Variants in ZDHHC20 observed in about 807,000 individuals in gnomAD.
ZDHHC20 encodes the protein zDHHC palmitoyltransferase 20, also known as palmitoyltransferase ZDHHC20.
In ZDHHC20, 43 loss-of-function variants were observed where a neutral mutation model predicts 57.8. The observed-to-expected ratio is 0.74, with a 90% CI of 0.58 to 0.96. ZDHHC20 has a LOEUF of 0.96. ZDHHC20 is among the 40% of genes least tolerant of loss of function. The pLI, the probability that ZDHHC20 is intolerant of heterozygous loss-of-function variation, is 0.00. For missense variants in ZDHHC20, 391 were observed against 441.1 expected (o/e 0.89, Z 1.02); for synonymous variants, 157 against 153.0 (o/e 1.03, Z -0.19).
In ZDHHC20 at chr13:21,443,716, G is replaced by A. The variant is rs115577226; in HGVS notation, c.118+15338C>T. ...TAGACAGACCACTTAATTACTTAGC[G>A]CATTAAATGCATGAATAGTAAGGAT... On this transcript the variant is annotated intron_variant, in intron 1 of 12. Transcript: ENST00000400590. Among the ~76,000 whole-genome samples, 56 of 152,252 alleles carry A rather than the reference G, an allele frequency of 3.7e-4. 1 individual carries two copies. The highest frequency in any genetic ancestry group is 1.1e-3 in the African/African-American group (47 of 41,532).
chr13:21,419,986 T>C (rs1880460257), intron 3 of ZDHHC20, among the ~76,000 whole-genome samples: 1 of 152,166 alleles, frequency 6.6e-6, no homozygotes, highest in African/African-American at 2.4e-5. Context: ...GCAGGTACAC[T>C]AGTATTTTAA....
At chr13:21,434,063 A>G (rs1461855571) in intron 1 of ZDHHC20, among the ~76,000 whole-genome samples, 2 of 151,948 alleles carry the variant, frequency 1.3e-5, no homozygotes, top group Non-Finnish European at 2.9e-5. Context: ...TCTGGTAATC[A>G]ACAGGGTTTG....
intron 7 of ZDHHC20, among the ~76,000 whole-genome samples, chr13:21,393,004 A>C (rs1876025047): frequency 6.6e-6 from 1 of 152,196 alleles, no homozygotes. Context: ...GCTTGTGCAA[A>C]TAGAGACATA....
intron 7 of ZDHHC20, among the ~76,000 whole-genome samples, chr13:21,393,261 G>T (rs917926111): frequency 2.6e-5 from 4 of 151,446 alleles, no homozygotes; most frequent in Admixed American, 6.6e-5. Context: ...CCAGTACTTT[G>T]GGAGGCGGAG....
intron 3 of ZDHHC20, among the ~76,000 whole-genome samples, chr13:21,414,547 A>AT (rs1323350557): frequency 1.6e-4 from 10 of 64,002 alleles, no homozygotes; most frequent in Non-Finnish European, 2.8e-4. Context: ...TTTTTTTTGT[A>AT]TTTTTAGTAG....
In ZDHHC20 at chr13:21,387,575, A is replaced by G; in HGVS notation, c.787T>C (p.Cys263Arg). The G allele has an allele frequency of 6.6e-7, 1 of 1,523,074 alleles. No individual in the cohort carries two copies. The highest frequency in any genetic ancestry group is 8.8e-7 in the Non-Finnish European group (1 of 1,132,064). The allele number at this position is 1,523,074 out of a possible 1,614,324, so 94.3% of individuals were successfully genotyped here. A position where few individuals can be genotyped will look rare whatever the true frequency, so the allele number is the denominator to read the frequency against. Residue 263 changes from cysteine to arginine, a missense_variant, in exon 9 of 13, where the codon TGC becomes CGC. Cys to Arg is a radical substitution (Grantham distance 180, BLOSUM62 -3). This residue lies in a region of ZDHHC20 where 197 missense variants were observed against 220.8 expected (regional missense o/e 0.89). Transcript: ENST00000400590. Reference sequence around the variant, plus strand: ...AAGACTTGTCTCCAATTTTTACTGCATCCAAGAGAGAAACCATTTCCATCA... The same window carrying G: ...AAGACTTGTCTCCAATTTTTACTGCGTCCAAGAGAGAAACCATTTCCATCA... Reference protein sequence around the residue: ...GPDGNGFSLGCSKNWRQVFGD... With the variant: ...GPDGNGFSLGRSKNWRQVFGD...
At chr13:21,454,567 T>G (rs1488144413) in intron 1 of ZDHHC20, among the ~76,000 whole-genome samples, 4 of 152,068 alleles carry the variant, frequency 2.6e-5, no homozygotes, top group Non-Finnish European at 5.9e-5. Flanking sequence ...GTTTCCACAT[T>G]AATCTAGAAA....
intron 9 of ZDHHC20, among the ~76,000 whole-genome samples, chr13:21,387,149 C>A (rs1874681621): frequency 6.6e-6 from 1 of 152,142 alleles, no homozygotes; most frequent in African/African-American, 2.4e-5. Flanking sequence ...TAGGACACAA[C>A]AGAATACACA....
chr13:21,449,592 C>T lies in ZDHHC20; in HGVS notation c.118+9462G>A, dbSNP rs548697705. The stretch of plus-strand genomic sequence containing the variant: ...ACAAGGCCAGCCCAGATTCAATGGG[C>T]GGTAAACAGACTATTTCTTGATGGA... On this transcript the variant is annotated intron_variant, in intron 1 of 12. Transcript: ENST00000400590. 2.6e-3 allele frequency among the ~76,000 whole-genome samples: 401 copies of T among 151,952 alleles called. 1 individual carries two copies. The highest frequency in any genetic ancestry group is 9.1e-3 in the African/African-American group (379 of 41,434).
chr13:21,438,490 C>T (rs1882782927), intron 1 of ZDHHC20, among the ~76,000 whole-genome samples: 2 of 152,154 alleles, frequency 1.3e-5, no homozygotes, highest in Admixed American at 1.3e-4. Context: ...GAAACAGAGC[C>T]TGAAGATGTG....
Position 21,454,952 on chromosome 13 carries a change from G to A in ZDHHC20, c.118+4102C>T, listed in dbSNP as rs568814591. On this transcript the variant is annotated intron_variant, in intron 1 of 12. Transcript: ENST00000400590. ...TGGTTCGTTTTTGAGACAGAGTCTC[G>A]CTCTGTCGCCCAGGCTGGAGTGCAG... Among the ~76,000 whole-genome samples, 7 of 151,818 alleles carry A rather than the reference G, an allele frequency of 4.6e-5. No individual in the cohort carries two copies. The East Asian group carries it at 5.8e-4, about 13-fold the overall frequency.
chr13:21,391,048 A>T (rs1386708670), intron 8 of ZDHHC20, among the ~76,000 whole-genome samples: 4 of 147,398 alleles, frequency 2.7e-5, no homozygotes, highest in South Asian at 2.1e-4. Context: ...TTATAGATTA[A>T]TTTTTTTTTT....
intron 9 of ZDHHC20, among the ~76,000 whole-genome samples, chr13:21,387,253 A>C (rs929053907): frequency 6.6e-6 from 1 of 152,198 alleles, no homozygotes; most frequent in African/African-American, 2.4e-5. Context: ...ATTTTGAAGA[A>C]AAAATCTTAT....
intron 4 of ZDHHC20, chr13:21,404,170 G>A (rs755026984): frequency 5.1e-6 from 2 of 389,222 alleles, no homozygotes; most frequent in Non-Finnish European, 5.1e-6. Flanking sequence ...ACTATGCGGA[G>A]TTTAACAAAA....
intron 1 of ZDHHC20, among the ~76,000 whole-genome samples, chr13:21,438,713 G>C (rs934814444): frequency 1.3e-5 from 2 of 152,228 alleles, no homozygotes; most frequent in East Asian, 3.8e-4. Flanking sequence ...ATTTCTGAAA[G>C]AAGTTCTACT....
At chr13:21,443,746 A>C (rs1022337817) in intron 1 of ZDHHC20, among the ~76,000 whole-genome samples, 1 of 152,248 alleles carries the variant, frequency 6.6e-6, no homozygotes, top group Non-Finnish European at 1.5e-5. Context: ...AAGGATAATT[A>C]TTACCATTTC....
chr13:21,443,373 A>G (rs1386121152), intron 1 of ZDHHC20, among the ~76,000 whole-genome samples: 1 of 152,160 alleles, frequency 6.6e-6, no homozygotes. Flanking sequence ...TCATCTTCTG[A>G]GGATGAACAA....
At chr13:21,437,431 A>G (rs1253585855) in intron 1 of ZDHHC20, among the ~76,000 whole-genome samples, 1 of 152,218 alleles carries the variant, frequency 6.6e-6, no homozygotes, top group Admixed American at 6.5e-5. Context: ...CTCGCTGCAG[A>G]TGAAACAGTC....
At chr13:21,452,852 TA>T (rs1884581302) in intron 1 of ZDHHC20, among the ~76,000 whole-genome samples, 1 of 152,054 alleles carries the variant, frequency 6.6e-6, no homozygotes, top group African/African-American at 2.4e-5. Flanking sequence ...GAATCATTTT[TA>T]AAAATCAAAA....
Sources: allele counts gnomAD v4.1 joint callset (sites outside exome capture counted in the v4.1 genomes callset), GRCh38; gene constraint gnomAD v4.1.1; regional missense constraint gnomAD v4.1.1; transcripts MANE v1.5; gene names NCBI Gene and HGNC (gene_info 2026-07-23, HGNC 2026-07-21).